Variants in ELMO1 observed in about 807,000 individuals in gnomAD.
The protein encoded by ELMO1 is engulfment and cell motility protein 1.
A neutral mutation model predicts 98.9 loss-of-function variants in ELMO1; 26 were observed. That is an observed-to-expected ratio of 0.26 (90% CI 0.19 to 0.36). The LOEUF is 0.36. ELMO1 is among the 10% of genes least tolerant of loss of function. The pLI is 1.00. For synonymous variants in ELMO1, 346 were observed against 346.0 expected, an observed-to-expected ratio of 1.00 and a Z score of 0.00; for missense variants, 627 against 935.2, an observed-to-expected ratio of 0.67 and a Z score of 4.30.
rs544127557 is a variant in ELMO1, at chr7:37,415,302, TAC to T, written c.-74+33371_-74+33372del. On this transcript the variant is annotated intron_variant, in intron 1 of 21. Coordinates refer to ENST00000310758, the MANE Select transcript of ELMO1 (RefSeq NM_014800.11). ...CTTCCAAAGTTATGTTACGTGAAAA[TAC>T]AGAGGTCTTTGGAATCACTGAAAAG... Among the ~76,000 whole-genome samples, 295 of 152,312 alleles carry T rather than the reference TAC, an allele frequency of 1.9e-3. 3 individuals are homozygous for T. Among genetic ancestry groups the T allele is most frequent in the Admixed American group, 7.4e-3 (113 of 15,300 alleles).
At chr7:37,389,540 A>G (rs1802972822) in intron 1 of ELMO1, among the ~76,000 whole-genome samples, 1 of 152,206 alleles carries the variant, frequency 6.6e-6, no homozygotes, top group Non-Finnish European at 1.5e-5. Flanking sequence ...TGTACACTTC[A>G]GTCCACTGCT....
chr7:37,441,244 T>A (rs561081999), intron 1 of ELMO1, among the ~76,000 whole-genome samples: 1,289 of 4,316 alleles, frequency 0.3, 8 homozygotes, highest in Non-Finnish European at 0.32. Flanking sequence ...ATAGCTAGTC[T>A]ATAACCCAGC....
intron 7 of ELMO1, among the ~76,000 whole-genome samples, chr7:37,238,582 T>C (rs1337858658): frequency 2.6e-5 from 4 of 152,234 alleles, no homozygotes; most frequent in Non-Finnish European, 5.9e-5. Flanking sequence ...AGAAATCCTA[T>C]ACAATGTTGA....
chr7:37,419,364 C>G (rs1366917929), intron 1 of ELMO1, among the ~76,000 whole-genome samples: 3 of 149,870 alleles, frequency 2.0e-5, no homozygotes, highest in Non-Finnish European at 3.0e-5. Context: ...CTGGAAATGT[C>G]AATATATTCA....
At position 37,035,591 on chromosome 7, in the gene ELMO1, T is replaced by G. The variant is rs112169877; in HGVS notation, c.1301-22156A>C. ...TGTCAGGCAACTGCAGCTGCAGACC[T>G]CAATATTTGGTACATATCAAGCAAT... On this transcript the variant is annotated intron_variant, in intron 15 of 21. Coordinates refer to ENST00000310758, the MANE Select transcript of ELMO1 (RefSeq NM_014800.11). Among the ~76,000 whole-genome samples, 282 of 152,346 alleles carry G rather than the reference T, an allele frequency of 1.9e-3. 1 individual carries two copies. The highest frequency in any genetic ancestry group is 5.2e-3 in the African/African-American group (216 of 41,586).
intron 19 of ELMO1, among the ~76,000 whole-genome samples, chr7:36,872,276 C>A (rs1803583989): frequency 6.6e-6 from 1 of 152,036 alleles, no homozygotes; most frequent in African/African-American, 2.4e-5. Flanking sequence ...TCAGGGAGGA[C>A]AAGGTGACGA....
chr7:37,283,688 G>A (rs983230532), intron 4 of ELMO1, among the ~76,000 whole-genome samples: 1 of 152,228 alleles, frequency 6.6e-6, no homozygotes, highest in African/African-American at 2.4e-5. Flanking sequence ...CCATGGGGAA[G>A]GCCTCAAGCC....
intron 13 of ELMO1, among the ~76,000 whole-genome samples, chr7:37,145,922 T>C (rs1787954019): frequency 6.6e-6 from 1 of 152,196 alleles, no homozygotes; most frequent in Non-Finnish European, 1.5e-5. Flanking sequence ...AGGAACTCTG[T>C]CAAATGATAC....
intron 16 of ELMO1, among the ~76,000 whole-genome samples, chr7:36,915,260 CCTA>C (rs945131495): frequency 6.6e-6 from 1 of 152,102 alleles, no homozygotes; most frequent in African/African-American, 2.4e-5. Context: ...AACAATCAGC[CCTA>C]CTAATAAAAG....
intron 15 of ELMO1, among the ~76,000 whole-genome samples, chr7:37,035,489 A>G (rs1414053646): frequency 2.0e-5 from 3 of 152,228 alleles, no homozygotes; most frequent in Non-Finnish European, 2.9e-5. Flanking sequence ...TACCTGCTGC[A>G]TAACTGCAGA....
chr7:37,244,253 A>C, intron 7 of ELMO1, 103 bp downstream of exon 7: 1 of 1,177,828 alleles, frequency 8.5e-7, no homozygotes, highest in Non-Finnish European at 1.2e-6. Context: ...CTTATTCAAA[A>C]TACTAGATGC....
chr7:37,252,984 C>T (rs1365874340), intron 6 of ELMO1, among the ~76,000 whole-genome samples: 2 of 152,156 alleles, frequency 1.3e-5, no homozygotes, highest in Non-Finnish European at 2.9e-5. Context: ...AAAAGCTCAT[C>T]ATCACTGGTC....
intron 15 of ELMO1, among the ~76,000 whole-genome samples, chr7:37,080,668 G>T (rs917431223): frequency 2.1e-5 from 3 of 145,368 alleles, no homozygotes; most frequent in African/African-American, 7.7e-5. Context: ...GGCCAGGCTG[G>T]TCTTGAACTT....
intron 11 of ELMO1, 30 bp from the exon 12 acceptor site, chr7:37,213,487 T>A (rs766454777): frequency 1.2e-5 from 19 of 1,583,378 alleles, no homozygotes; most frequent in Non-Finnish European, 1.6e-5. Context: ...ATGAAATTTT[T>A]TAAAAAAGAA....
chr7:37,112,539 C>T (rs900084700), intron 14 of ELMO1, among the ~76,000 whole-genome samples: 7 of 152,122 alleles, frequency 4.6e-5, no homozygotes, highest in South Asian at 2.1e-4. Context: ...TGACATTAAC[C>T]GGAGTCTTAG....
intron 16 of ELMO1, among the ~76,000 whole-genome samples, chr7:36,925,786 G>A (rs1032704214): frequency 1.3e-5 from 2 of 152,148 alleles, no homozygotes; most frequent in Non-Finnish European, 2.9e-5. Context: ...TCACCTACTC[G>A]TAATTTTCTT....
In ELMO1 at chr7:37,101,817, G is replaced by A. The variant is rs1212110102; in HGVS notation, c.1192-5090C>T. ...CTGTCTGGCTCTCTCTCCTAGGAGA[G>A]AGTCACTCAGGTTAAAACAAGGTAG... On this transcript the variant is annotated intron_variant, in intron 14 of 21. Coordinates refer to ENST00000310758, the MANE Select transcript of ELMO1 (RefSeq NM_014800.11). Among the ~76,000 whole-genome samples the A allele has an allele frequency of 2.0e-5, 3 of 151,958 alleles. 1 individual carries two copies. In the South Asian group the frequency reaches 6.2e-4, roughly 32 times the overall value.
intron 4 of ELMO1, among the ~76,000 whole-genome samples, chr7:37,280,691 A>T (rs1037112302): frequency 7.6e-6 from 1 of 132,306 alleles, no homozygotes; most frequent in African/African-American, 3.0e-5. Flanking sequence ...TCAAAAAAAT[A>T]AAAAAAACAG....
intron 15 of ELMO1, among the ~76,000 whole-genome samples, chr7:37,056,198 C>A (rs79569209): frequency 0.082 from 12,511 of 152,120 alleles, 609 homozygotes; most frequent in Middle Eastern, 0.18. Flanking sequence ...ACTATAGATC[C>A]CTAGCCAGTT....
Sources: allele counts gnomAD v4.1 joint callset (sites outside exome capture counted in the v4.1 genomes callset), GRCh38; gene constraint gnomAD v4.1.1; transcripts MANE v1.5; gene names NCBI Gene and HGNC (gene_info 2026-07-23, HGNC 2026-07-21).